Variants in PLEKHM2 observed in about 807,000 individuals in gnomAD.
The protein encoded by PLEKHM2 is pleckstrin homology domain-containing family M member 2.
PLEKHM2 carries 77 observed loss-of-function variants against 116.3 expected under a neutral mutation model. The observed-to-expected ratio is 0.66, with a 90% CI of 0.55 to 0.80. The LOEUF (loss-of-function observed/expected upper bound fraction) is 0.80, where lower values mean the gene tolerates loss of function less well. PLEKHM2 is among the 30% of genes least tolerant of loss of function. PLEKHM2 has a pLI of 0.00. For missense variants in PLEKHM2, 1,183 were observed against 1,354.9 expected, an observed-to-expected ratio of 0.87 and a Z score of 1.99; for synonymous variants, 562 against 571.0, an observed-to-expected ratio of 0.98 and a Z score of 0.22.
chr1:15,713,242 C>CCA (rs1482280699), intron 1 of PLEKHM2, among the ~76,000 whole-genome samples: 1 of 152,210 alleles, frequency 6.6e-6, no homozygotes, highest in Admixed American at 6.5e-5. Flanking sequence ...GCATGAGCCA[C>CCA]CACTCGTGGC....
chr1:15,732,322 G>A, intron 17 of PLEKHM2, 28 bp from the exon 18 acceptor site: 2 of 1,535,466 alleles, frequency 1.3e-6, no homozygotes, highest in South Asian at 1.2e-5. Flanking sequence ...GGAGGCCCCA[G>A]CCTGCCTCTC....
Position 15,730,454 on chromosome 1 carries a change from A to C in PLEKHM2, c.2209-78A>C, listed in dbSNP as rs369777683. ...GAGACTCCATCTCAAAAAGAAAAAA[A>C]AAGAACCAGTCCGGGCTCAGCCACC... On this transcript the variant is annotated intron_variant, in intron 14 of 19. Transcript: ENST00000375799. 2.1e-3 allele frequency: 2,634 copies of C among 1,242,828 alleles called. 42 individuals are homozygous for C. In the African/African-American group the frequency reaches 0.036, roughly 17 times the overall value. 77.0% of individuals were successfully genotyped at this position (1,242,828 alleles called of 1,614,324 possible). A position where few individuals can be genotyped will look rare whatever the true frequency, so the allele number is the denominator to read the frequency against.
rs956020857 is a variant in PLEKHM2 at position 15,729,022 on chromosome 1, G to C, written c.1987-80G>C. On this transcript the variant is annotated intron_variant, in intron 12 of 19. Coordinates refer to ENST00000375799, the MANE Select transcript of PLEKHM2 (RefSeq NM_015164.4). The surrounding 1 kb of genome is among the most constrained non-coding windows in gnomAD (Gnocchi z 4.7). ...GGGTGTGCTTCTTCCTCCCCAGCAAGCGCTCAGCCTGGCCAAGCTGCCTTC... is the reference window on the plus strand; with the variant it reads ...GGGTGTGCTTCTTCCTCCCCAGCAACCGCTCAGCCTGGCCAAGCTGCCTTC... 2.3e-6 allele frequency: 3 copies of C among 1,314,976 alleles called. No homozygotes were observed. In the African/African-American group the frequency reaches 4.4e-5, roughly 19 times the overall value. The allele number at this position is 1,314,976 out of a possible 1,614,324, so 81.5% of individuals were successfully genotyped here.
intron 1 of PLEKHM2, among the ~76,000 whole-genome samples, chr1:15,685,442 T>G (rs899351231): frequency 6.7e-6 from 1 of 148,604 alleles, no homozygotes; most frequent in Non-Finnish European, 1.5e-5. Context: ...ACTGAAAACC[T>G]AAATGGCCAA....
In PLEKHM2 at chr1:15,730,612, C is replaced by T. The variant is rs762871052; in HGVS notation, c.2289C>T (p.Cys763=). The change falls in exon 15 of 20, where the codon TGC becomes TGT. Residue 763 remains cysteine, a synonymous_variant. Coordinates refer to ENST00000375799, the MANE Select transcript of PLEKHM2 (RefSeq NM_015164.4). The stretch of plus-strand genomic sequence containing the variant: ...ACGAGTCCCTGGGCCCCACGCCCTG[C>T]CACTGCTCACCCCCCGAGGGCACCA... ...PTDESLGPTP[C]HCSPPEGTIT... is the part of the protein sequence containing the mutation. 1.6e-5 allele frequency: 25 copies of T among 1,607,308 alleles called. No individual in the cohort carries two copies. The African/African-American group carries it at 2.7e-4, about 17-fold the overall frequency.
rs75041920 is a variant in PLEKHM2 at position 15,707,025 on chromosome 1, C to T, written c.61-9212C>T. Among the ~76,000 whole-genome samples, 380 of 152,130 alleles carry T rather than the reference C, an allele frequency of 2.5e-3. 2 individuals carry two copies. The highest frequency in any genetic ancestry group is 8.8e-3 in the African/African-American group (366 of 41,518). ...CTGCAGGCTCCAGACCGAGGGCCAG[C>T]ATGCTTCTTCTGTAAAGAGCCAGGT... On this transcript the variant is annotated intron_variant, in intron 1 of 19. Coordinates refer to ENST00000375799, the MANE Select transcript of PLEKHM2 (RefSeq NM_015164.4).
rs1314806264 is a variant in PLEKHM2, at chr1:15,719,992, G to A, written c.652+72G>A. On this transcript the variant is annotated intron_variant, in intron 6 of 19. Coordinates refer to ENST00000375799, the MANE Select transcript of PLEKHM2 (RefSeq NM_015164.4). The surrounding 1 kb of genome is among the most constrained non-coding windows in gnomAD (Gnocchi z 4.1). ...ACTTGAACTGCTTAAGCCTGGCTGG[G>A]TGATGTCTTCCTTGGCTAGTTTTGG... The A allele has an allele frequency of 7.0e-6, 9 of 1,281,724 alleles. No individual in the cohort carries two copies. Among genetic ancestry groups the A allele is most frequent in the Non-Finnish European group, 9.7e-6 (9 of 930,084 alleles). 79.4% of individuals were successfully genotyped at this position (1,281,724 alleles called of 1,614,324 possible).
intron 1 of PLEKHM2, 39 bp downstream of exon 1, chr1:15,684,657 G>T: frequency 8.6e-7 from 1 of 1,169,136 alleles, no homozygotes; most frequent in Non-Finnish European, 1.1e-6. Flanking sequence ...CCCCTTCCTC[G>T]CCGCGCCCCC....
chr1:15,725,694 C>G, intron 8 of PLEKHM2, 149 bp downstream of exon 8: 2 of 620,818 alleles, frequency 3.2e-6, no homozygotes, highest in South Asian at 1.9e-5. Context: ...CTAGGAGGTT[C>G]TTTGAGCAAG....
chr1:15,693,666 T>TGG (rs1640932317), intron 1 of PLEKHM2, among the ~76,000 whole-genome samples: 1 of 152,210 alleles, frequency 6.6e-6, no homozygotes, highest in South Asian at 2.1e-4. Context: ...GATGGAGCAG[T>TGG]GGTCTCCCTC....
In PLEKHM2 at chr1:15,719,939, GA is replaced by G; in HGVS notation, c.652+23del. On this transcript the variant is annotated intron_variant, in intron 6 of 19. Coordinates refer to ENST00000375799, the MANE Select transcript of PLEKHM2 (RefSeq NM_015164.4). This position sits in a 1 kb window ranked among gnomAD's most constrained non-coding sequence, Gnocchi z 4.1. ...AGTGAGGGTGAGTGGCCCCAGGGCAGAAAAGCTAAGCCCCTGTTGTGAAACA... is the reference window on the plus strand; with the variant it reads ...AGTGAGGGTGAGTGGCCCCAGGGCAGAAAGCTAAGCCCCTGTTGTGAAACA... 1 of 1,596,166 alleles carries G rather than the reference GA, an allele frequency of 6.3e-7. No individual in the cohort carries two copies. The highest frequency in any genetic ancestry group is 8.6e-7 in the Non-Finnish European group (1 of 1,167,680).
At position 15,721,472 on chromosome 1, in the gene PLEKHM2, T is replaced by C. The variant is rs963418171; in HGVS notation, c.712+84T>C. On this transcript the variant is annotated intron_variant, in intron 7 of 19. Coordinates refer to ENST00000375799, the MANE Select transcript of PLEKHM2 (RefSeq NM_015164.4). This position sits in a 1 kb window ranked among gnomAD's most constrained non-coding sequence, Gnocchi z 5.1. ...TTGCTGCATGTATCAAATCAGCTCC[T>C]TATTATTTATAATAATATCCATAAT... The C allele has an allele frequency of 3.9e-6, 3 of 777,316 alleles. No homozygotes were observed. The African/African-American group carries it at 5.3e-5, about 14-fold the overall frequency. The allele number at this position is 777,316 out of a possible 1,614,324, so 48.2% of individuals were successfully genotyped here.
At position 15,717,921 on chromosome 1, in the gene PLEKHM2, C is replaced by T. The variant is rs778821268; in HGVS notation, c.306C>T (p.Asn102=). 6.4e-5 allele frequency: 103 copies of T among 1,599,000 alleles called. No homozygotes were observed. Among genetic ancestry groups the T allele is most frequent in the African/African-American group, 1.7e-4 (13 of 74,650 alleles). ...RSRAWLYLAL[N]ENSLESYLRL... Reference sequence around the variant, plus strand: ...GTGCCTGGCTGTACCTGGCCCTCAACGAGAACTCCTTGGAGAGCTACCTGC... The same window carrying T: ...GTGCCTGGCTGTACCTGGCCCTCAATGAGAACTCCTTGGAGAGCTACCTGC... The change falls in exon 4 of 20, where the codon AAC becomes AAT. Residue 102 remains asparagine (N), a synonymous_variant. Coordinates refer to ENST00000375799, the MANE Select transcript of PLEKHM2 (RefSeq NM_015164.4).
intron 1 of PLEKHM2, among the ~76,000 whole-genome samples, chr1:15,713,559 A>G (rs548911488): frequency 6.6e-6 from 1 of 152,298 alleles, no homozygotes; most frequent in South Asian, 2.1e-4. Context: ...AAATACACAA[A>G]TATACACATT....
chr1:15,710,032 G>A (rs1641299564), intron 1 of PLEKHM2, among the ~76,000 whole-genome samples: 1 of 151,894 alleles, frequency 6.6e-6, no homozygotes, highest in Non-Finnish European at 1.5e-5. Context: ...AGACCATCCT[G>A]GCTAACGTGG....
At chr1:15,725,694 CTTT>C in intron 8 of PLEKHM2, 149 bp downstream of exon 8, 1 of 620,818 alleles carries the variant, frequency 1.6e-6, no homozygotes. Context: ...CTAGGAGGTT[CTTT>C]GAGCAAGAGG....
At chr1:15,691,307 G>A (rs1640885065) in intron 1 of PLEKHM2, among the ~76,000 whole-genome samples, 1 of 152,142 alleles carries the variant, frequency 6.6e-6, no homozygotes, top group African/African-American at 2.4e-5. Flanking sequence ...CCTGAGCTCA[G>A]GTGATCCTCC....
At chr1:15,726,109 G>A (rs1033848218) in intron 8 of PLEKHM2, among the ~76,000 whole-genome samples, 1 of 152,212 alleles carries the variant, frequency 6.6e-6, no homozygotes, top group Admixed American at 6.5e-5. Context: ...CTGGTGTCTG[G>A]GGCCATGTCC....
chr1:15,681,509 A>G, upstream of PLEKHM2: 1 of 463,784 alleles, frequency 2.2e-6, no homozygotes, highest in South Asian at 1.5e-5. Flanking sequence ...GGTGCCCAGC[A>G]GAACGCAGTG....
Sources: allele counts gnomAD v4.1 joint callset (sites outside exome capture counted in the v4.1 genomes callset), GRCh38; gene constraint gnomAD v4.1.1; non-coding constraint Gnocchi (gnomAD v3.1); transcripts MANE v1.5; gene names NCBI Gene and HGNC (gene_info 2026-07-23, HGNC 2026-07-21).